The following UGT2A2 variants were observed in gnomAD, a reference collection of about 807,000 sequenced individuals.
UGT2A2 encodes the protein UDP-glucuronosyltransferase 2A2.
A neutral mutation model predicts 50.7 loss-of-function variants in UGT2A2; 60 were observed. The observed-to-expected ratio is 1.18, with a 90% confidence interval of 0.96 to 1.47. The LOEUF (loss-of-function observed/expected upper bound fraction) is 1.47. Ranked by LOEUF, UGT2A2 falls within the 40% of genes most tolerant of loss-of-function variation. UGT2A2 has a pLI of 0.00. For synonymous variants in UGT2A2, 242 were observed against 214.6 expected, an observed-to-expected ratio of 1.13 and a Z score of -1.11; for missense variants, 762 against 634.0, an observed-to-expected ratio of 1.20 and a Z score of -2.17.
chr4:69,614,475 T>A (rs1720255260), intron 1 of UGT2A2, among the ~76,000 whole-genome samples: 1 of 151,928 alleles, frequency 6.6e-6, no homozygotes. Flanking sequence ...TATATATATC[T>A]AAACTTTGTA....
chr4:69,600,338 T>C (rs1311164435), intron 1 of UGT2A2, among the ~76,000 whole-genome samples: 1 of 152,224 alleles, frequency 6.6e-6, no homozygotes, highest in Non-Finnish European at 1.5e-5. Flanking sequence ...AAGTCACTCC[T>C]AATCCTATAT....
In UGT2A2 at chr4:69,639,290, G is replaced by A. The variant is rs1721913231; in HGVS notation, c.351C>T (p.Tyr117=). 1 of 1,613,658 alleles carries A rather than the reference G, an allele frequency of 6.2e-7. No homozygotes were observed. ...RPTPLTIWAF[Y]KELGKLLDTF... ...TGTCTAGAAGTTTTCCTAGTTCTTT[G>A]TAGAAAGCCCATATTGTGAGAGGAG... Residue 117 remains tyrosine, a synonymous_variant, in exon 1 of 6, where the codon TAC becomes TAT. Transcript: ENST00000604629.
At chr4:69,634,642 T>A (rs947974001) in intron 1 of UGT2A2, among the ~76,000 whole-genome samples, 2 of 152,126 alleles carry the variant, frequency 1.3e-5, no homozygotes, top group African/African-American at 4.8e-5. Flanking sequence ...TATTTTACCA[T>A]ATTGGCGGAA....
At chr4:69,614,061 T>C (rs767257657) in intron 1 of UGT2A2, among the ~76,000 whole-genome samples, 5 of 151,966 alleles carry the variant, frequency 3.3e-5, no homozygotes, top group Non-Finnish European at 4.4e-5. Context: ...AAAAATATGA[T>C]CTTGTATCTA....
In UGT2A2 at chr4:69,618,221, T is replaced by TTGTGTG. The variant is rs112693693; in HGVS notation, c.743-18833_743-18828dup. On this transcript the variant is annotated intron_variant, in intron 1 of 5. Transcript: ENST00000604629. ...TGTGTGTGTGTGTGTGTGTGTATGT[T>TTGTGTG]TGTGTGTGTGTGTGTGTATGTGTGT... 6.8e-4 allele frequency among the ~76,000 whole-genome samples: 98 copies of TTGTGTG among 144,732 alleles called. 1 individual carries two copies. Among genetic ancestry groups the TTGTGTG allele is most frequent in the Middle Eastern group, 3.4e-3 (1 of 290 alleles). The allele number at this position is 144,732 out of a possible 152,430, so 94.9% of individuals were successfully genotyped here.
At position 69,632,844 on chromosome 4, in the gene UGT2A2, C is replaced by T. The variant is rs1040565824; in HGVS notation, c.742+6055G>A. Among the ~76,000 whole-genome samples, 4 of 150,360 alleles carry T rather than the reference C, an allele frequency of 2.7e-5. No individual in the cohort carries two copies. The East Asian group carries it at 5.9e-4, about 22-fold the overall frequency. ...CGGGGGTTGCAGTGAGCCGAGATTGCGCCATTGCAATCCAGCCTGAGCGAC... is the reference window on the plus strand; with the variant it reads ...CGGGGGTTGCAGTGAGCCGAGATTGTGCCATTGCAATCCAGCCTGAGCGAC... On this transcript the variant is annotated intron_variant, in intron 1 of 5. Coordinates refer to ENST00000604629, the MANE Select transcript of UGT2A2 (RefSeq NM_001105677.2).
Position 69,615,890 on chromosome 4 carries a change from C to T in UGT2A2, c.743-16496G>A, listed in dbSNP as rs115348754. Among the ~76,000 whole-genome samples, 654 of 151,992 alleles carry T rather than the reference C, an allele frequency of 4.3e-3. 7 individuals carry two copies. The highest frequency in any genetic ancestry group is 0.013 in the African/African-American group (549 of 41,478). ...CTAAAAATAAAACTACCATATGATC[C>T]GACAATCACACTGCTGGGTATATAT... is the stretch of plus-strand genomic sequence containing the variant. On this transcript the variant is annotated intron_variant, in intron 1 of 5. Coordinates refer to ENST00000604629, the MANE Select transcript of UGT2A2 (RefSeq NM_001105677.2).
chr4:69,613,397 C>T (rs964475139), intron 1 of UGT2A2, among the ~76,000 whole-genome samples: 8 of 151,880 alleles, frequency 5.3e-5, no homozygotes, highest in African/African-American at 1.2e-4. Context: ...TTGAATTCTA[C>T]CAAACATTTG....
chr4:69,590,768 TAAG>T (rs1207426613), intron 5 of UGT2A2, among the ~76,000 whole-genome samples: 4 of 152,026 alleles, frequency 2.6e-5, no homozygotes, highest in African/African-American at 4.8e-5. Context: ...AATCAAAAAA[TAAG>T]AAGAAGAAAG....
intron 5 of UGT2A2, 84 bp from the exon 6 acceptor site, chr4:69,589,735 T>A: frequency 6.6e-7 from 1 of 1,515,680 alleles, no homozygotes; most frequent in Middle Eastern, 1.8e-4. Flanking sequence ...ACTTTTGCTC[T>A]ACAAGTTTAA....
chr4:69,625,511 CT>C (rs1238228134), intron 1 of UGT2A2, among the ~76,000 whole-genome samples: 2 of 150,836 alleles, frequency 1.3e-5, no homozygotes, highest in African/African-American at 4.8e-5. Context: ...TCTTTAAATT[CT>C]TTTTTTCTAT....
Position 69,598,631 on chromosome 4 carries a change from C to A in UGT2A2, c.891+615G>T, listed in dbSNP as rs112143931. ...ACACTTTGTACTACCTAAATGATTT[C>A]TAGAAATTACCAAAACTCCTTTTTG... On this transcript the variant is annotated intron_variant, in intron 2 of 5. Transcript: ENST00000604629. 8.5e-3 allele frequency among the ~76,000 whole-genome samples: 1,287 copies of A among 152,152 alleles called. 25 individuals are homozygous for A. Among genetic ancestry groups the A allele is most frequent in the African/African-American group, 0.028 (1,153 of 41,530 alleles).
chr4:69,594,409 G>T, intron 5 of UGT2A2, 68 bp downstream of exon 5: 3 of 1,554,788 alleles, frequency 1.9e-6, no homozygotes, highest in Non-Finnish European at 2.6e-6. Context: ...ATAAAAGAAT[G>T]TACATTTTCT....
intron 1 of UGT2A2, among the ~76,000 whole-genome samples, chr4:69,605,896 A>G (rs1004400715): frequency 7.3e-6 from 1 of 136,918 alleles, no homozygotes; most frequent in Non-Finnish European, 1.6e-5. Context: ...CTCTGAATAG[A>G]CCAATAACAG....
intron 1 of UGT2A2, among the ~76,000 whole-genome samples, chr4:69,622,084 T>G (rs1720788024): frequency 6.6e-6 from 1 of 151,818 alleles, no homozygotes; most frequent in Non-Finnish European, 1.5e-5. Flanking sequence ...GGTCATGGAA[T>G]AGTCAGTACA....
In UGT2A2 at chr4:69,595,335, C is replaced by A. The variant is rs1718859403; in HGVS notation, c.1024-86G>T. 2.0e-6 allele frequency: 3 copies of A among 1,494,880 alleles called. No individual in the cohort carries two copies. The African/African-American group carries it at 4.2e-5, about 21-fold the overall frequency. The allele number at this position is 1,494,880 out of a possible 1,614,324, so 92.6% of individuals were successfully genotyped here. On this transcript the variant is annotated intron_variant, in intron 3 of 5. Coordinates refer to ENST00000604629, the MANE Select transcript of UGT2A2 (RefSeq NM_001105677.2). The stretch of plus-strand genomic sequence containing the variant: ...GAGAATTATTTAGAAATCATTTAGC[C>A]AGCTACTTGGAAGACGGGAATTACA...
In UGT2A2 at chr4:69,596,118, G is replaced by A. The variant is rs572881505; in HGVS notation, c.1023+132C>T. On this transcript the variant is annotated intron_variant, in intron 3 of 5. Coordinates refer to ENST00000604629, the MANE Select transcript of UGT2A2 (RefSeq NM_001105677.2). ...ACACAATTTTAATATATTACACAAC[G>A]TTACTTACAACTGTTACTAGTGATA... is the stretch of plus-strand genomic sequence containing the variant. 67 of 1,258,562 alleles carry A rather than the reference G, an allele frequency of 5.3e-5. 1 individual carries two copies. The East Asian group carries it at 5.7e-4, about 11-fold the overall frequency. The allele number at this position is 1,258,562 out of a possible 1,614,324, so 78.0% of individuals were successfully genotyped here.
chr4:69,600,178 A>G (rs967625387), intron 1 of UGT2A2, among the ~76,000 whole-genome samples: 1 of 152,196 alleles, frequency 6.6e-6, no homozygotes, highest in Non-Finnish European at 1.5e-5. Context: ...ATATACACCC[A>G]CTGGGAAACC....
Position 69,589,463 on chromosome 4 carries a change from C to G in UGT2A2, c.1520G>C (p.Cys507Ser). 6.2e-7 allele frequency: 1 copy of G among 1,614,042 alleles called. No homozygotes were observed. The highest frequency in any genetic ancestry group is 8.5e-7 in the Non-Finnish European group (1 of 1,180,014). ...GACCAAAAATATAGCCGTTGTCACA[C>G]AGACCAGCAAGAACCCAATTACATC... ...SLDVIGFLLV[C>S]VTTAIFLVIQ... is the part of the protein sequence containing the mutation. The change falls in exon 6 of 6, where the codon TGT becomes TCT. Residue 507 changes from cysteine (C) to serine (S), a missense_variant. Cys to Ser is a moderately radical substitution (Grantham distance 112, BLOSUM62 -1). Transcript: ENST00000604629.
Sources: gnomAD v4.1 joint callset for allele counts (sites outside exome capture counted in the v4.1 genomes callset) on GRCh38, gnomAD v4.1.1 for gene constraint, MANE v1.5 for transcripts, NCBI Gene and HGNC (gene_info 2026-07-23, HGNC 2026-07-21) for gene names.